Variants in GRIK2 observed in about 807,000 individuals in gnomAD.
The protein encoded by GRIK2 is glutamate receptor ionotropic, kainate 2.
Under a neutral mutation model 100.3 loss-of-function variants are expected in GRIK2, and 32 were observed. That is an observed-to-expected ratio of 0.32 (90% CI 0.24 to 0.43). GRIK2 has a LOEUF of 0.43. GRIK2 is among the 20% of genes least tolerant of loss of function. The pLI is 1.00. For missense variants in GRIK2, 843 were observed against 1,114.9 expected (o/e 0.76, Z 3.47); for synonymous variants, 417 against 389.4 (o/e 1.07, Z -0.83).
intron 7 of GRIK2, among the ~76,000 whole-genome samples, chr6:101,754,289 A>C (rs1776986564): frequency 2.0e-5 from 3 of 152,332 alleles, no homozygotes; most frequent in South Asian, 2.1e-4. Context: ...TTTGTATCAA[A>C]GTAAATCTCT....
chr6:101,555,338 A>G (rs1480236927), intron 2 of GRIK2, among the ~76,000 whole-genome samples: 1 of 152,156 alleles, frequency 6.6e-6, no homozygotes, highest in Non-Finnish European at 1.5e-5. Context: ...GTCGTTGGGA[A>G]GGTTAGTGGA....
chr6:101,896,633 A>G (rs1315342906), intron 12 of GRIK2, among the ~76,000 whole-genome samples: 1 of 151,704 alleles, frequency 6.6e-6, no homozygotes, highest in Non-Finnish European at 1.5e-5. Context: ...AATTCTATGG[A>G]TAAATTATTG....
intron 7 of GRIK2, among the ~76,000 whole-genome samples, chr6:101,728,169 GAGGTAA>G (rs1011380707): frequency 6.6e-6 from 1 of 151,898 alleles, no homozygotes; most frequent in Admixed American, 6.6e-5. Flanking sequence ...TTATTTTATT[GAGGTAA>G]TAGCAAGTAT....
chr6:101,455,098 G>C (rs535128039), intron 2 of GRIK2, among the ~76,000 whole-genome samples: 64 of 152,084 alleles, frequency 4.2e-4, no homozygotes, highest in Non-Finnish European at 7.8e-4. Flanking sequence ...CTATTATTTT[G>C]GGGAGTCTGT....
intron 4 of GRIK2, among the ~76,000 whole-genome samples, chr6:101,661,974 T>G (rs1166984560): frequency 6.6e-6 from 1 of 152,168 alleles, no homozygotes; most frequent in African/African-American, 2.4e-5. Flanking sequence ...CATTCTTAAT[T>G]TCTTCAGTGA....
intron 14 of GRIK2, among the ~76,000 whole-genome samples, chr6:101,939,367 T>G (rs1239932121): frequency 6.6e-6 from 1 of 152,076 alleles, no homozygotes; most frequent in African/African-American, 2.4e-5. Flanking sequence ...CCAATATATA[T>G]TTGCTATTAT....
At position 101,859,608 on chromosome 6, in the gene GRIK2, C is replaced by T. The variant is rs899768326; in HGVS notation, c.1524+115C>T. 1.7e-4 allele frequency: 113 copies of T among 649,624 alleles called. No homozygotes were observed. The African/African-American group carries it at 1.9e-3, about 11-fold the overall frequency. 40.2% of individuals were successfully genotyped at this position (649,624 alleles called of 1,614,324 possible). A position where few individuals can be genotyped will look rare whatever the true frequency, so the allele number is the denominator to read the frequency against. On this transcript the variant is annotated intron_variant, in intron 11 of 16. Transcript: ENST00000369134. ...AGTGATATATTTCAAGCATGTATTT[C>T]CTTCAATAATTTTATTTAAGCTAGA...
At chr6:101,569,323 T>C (rs987915551) in intron 2 of GRIK2, among the ~76,000 whole-genome samples, 4 of 151,842 alleles carry the variant, frequency 2.6e-5, no homozygotes, top group African/African-American at 9.7e-5. Context: ...TCAAAAGGTA[T>C]TTTTAAAATT....
intron 2 of GRIK2, among the ~76,000 whole-genome samples, chr6:101,535,997 C>G (rs1365920428): frequency 6.6e-6 from 1 of 151,562 alleles, no homozygotes; most frequent in Non-Finnish European, 1.5e-5. Flanking sequence ...CTTAATTCTT[C>G]CTACTTTTAT....
chr6:101,562,267 A>G (rs1777056597), intron 2 of GRIK2, among the ~76,000 whole-genome samples: 1 of 151,888 alleles, frequency 6.6e-6, no homozygotes, highest in African/African-American at 2.4e-5. Context: ...TACTTGACTC[A>G]TGGTGGCTTA....
chr6:101,811,059 G>A (rs138509295), intron 9 of GRIK2, among the ~76,000 whole-genome samples: 4 of 151,970 alleles, frequency 2.6e-5, no homozygotes, highest in East Asian at 1.9e-4. Flanking sequence ...CAGTACTATC[G>A]GGGTGCCAAC....
At chr6:101,990,111 A>G (rs1794275907) in intron 14 of GRIK2, among the ~76,000 whole-genome samples, 1 of 151,570 alleles carries the variant, frequency 6.6e-6, no homozygotes. Context: ...GTGGCCCCTA[A>G]CATTTGCATT....
chr6:101,733,087 G>T (rs548300601), intron 7 of GRIK2, among the ~76,000 whole-genome samples: 1 of 152,036 alleles, frequency 6.6e-6, no homozygotes, highest in African/African-American at 2.4e-5. Flanking sequence ...TCAGTCAATA[G>T]CATTCTGCCC....
intron 14 of GRIK2, among the ~76,000 whole-genome samples, chr6:101,947,431 A>G (rs1242879713): frequency 6.6e-6 from 1 of 152,170 alleles, no homozygotes; most frequent in Non-Finnish European, 1.5e-5. Flanking sequence ...CATTATTTTA[A>G]TTTGGTTTAA....
At chr6:101,864,563 T>G (rs946823751) in intron 11 of GRIK2, among the ~76,000 whole-genome samples, 4 of 152,274 alleles carry the variant, frequency 2.6e-5, no homozygotes, top group African/African-American at 7.2e-5. Flanking sequence ...AAGTAAACTC[T>G]AAGTTGGGAC....
intron 2 of GRIK2, among the ~76,000 whole-genome samples, chr6:101,610,754 C>T (rs538625139): frequency 4.1e-4 from 62 of 151,832 alleles, no homozygotes; most frequent in South Asian, 2.1e-3. Context: ...AGTCACTTTT[C>T]GCCTTTTCTT....
chr6:101,743,128 G>GGTCAC (rs1776154629), intron 7 of GRIK2, among the ~76,000 whole-genome samples: 1 of 152,120 alleles, frequency 6.6e-6, no homozygotes, highest in Admixed American at 6.5e-5. Flanking sequence ...GACAACAAAA[G>GGTCAC]GTCACCTATT....
intron 7 of GRIK2, among the ~76,000 whole-genome samples, chr6:101,697,201 A>G (rs937814285): frequency 2.0e-5 from 3 of 152,114 alleles, no homozygotes; most frequent in African/African-American, 7.2e-5. Flanking sequence ...GAGTTATATT[A>G]TTGCCTCCTC....
rs184587821 is a variant in GRIK2, at chr6:102,024,965, A to G, written c.2086-10376A>G. Reference sequence around the variant, plus strand: ...TATTTATAAATAAAAATAAAAAACAAAAATAAATAAATATTAATGGATATA... The same window carrying G: ...TATTTATAAATAAAAATAAAAAACAGAAATAAATAAATATTAATGGATATA... On this transcript the variant is annotated intron_variant, in intron 14 of 16. Transcript: ENST00000369134. 7.4e-3 allele frequency among the ~76,000 whole-genome samples: 1,103 copies of G among 150,034 alleles called. 5 individuals carry two copies. Among genetic ancestry groups the G allele is most frequent in the Non-Finnish European group, 0.012 (783 of 67,184 alleles).
Sources: allele counts gnomAD v4.1 joint callset (sites outside exome capture counted in the v4.1 genomes callset), GRCh38; gene constraint gnomAD v4.1.1; transcripts MANE v1.5; gene names NCBI Gene and HGNC (gene_info 2026-07-23, HGNC 2026-07-21).